Variants in BCOR observed in about 807,000 individuals in gnomAD.
BCOR encodes BCL-6 corepressor.
Under a neutral mutation model 86.7 loss-of-function variants are expected in BCOR, and 10 were observed. The ratio of observed to expected loss-of-function variants is 0.12; its 90% CI spans 0.07 to 0.20. The LOEUF (loss-of-function observed/expected upper bound fraction) is 0.20, where lower values mean the gene tolerates loss of function less well. Among genes scored for constraint, BCOR ranks in the 10% least tolerant of loss-of-function variants. BCOR has a pLI of 1.00. For missense variants in BCOR, 1,259 were observed against 1,452.1 expected (o/e 0.87, Z 2.16); for synonymous variants, 611 against 609.0 (o/e 1.00, Z -0.05).
intron 1 of BCOR, among the ~76,000 whole-genome samples, chrX:40,143,237 T>A (rs1232975314): frequency 8.9e-6 from 1 of 112,131 alleles, no homozygotes; most frequent in Admixed American, 9.4e-5. Context: ...TGTGTGTGTG[T>A]GTCTGTGTGT....
intron 6 of BCOR, 106 bp downstream of exon 6, chrX:40,070,867 G>C (rs1026217256): frequency 3.8e-6 from 3 of 790,777 alleles, no homozygotes; most frequent in African/African-American, 4.1e-5. Context: ...CCATTCATAA[G>C]GACAATCGGC....
In BCOR at chrX:40,139,383, TA is replaced by T. The variant is rs1161404067; in HGVS notation, c.-41+37623del. ...AAAATTTAAAATATATATATATATATAATATATATACATATATATATATATA... is the reference window on the plus strand; with the variant it reads ...AAAATTTAAAATATATATATATATATATATATATACATATATATATATATA... On this transcript the variant is annotated intron_variant, in intron 1 of 14. Coordinates refer to the BCOR transcript ENST00000342274. Among the ~76,000 whole-genome samples the T allele has an allele frequency of 1.2e-3, 29 of 24,142 alleles. 1 individual carries two copies. The highest frequency in any genetic ancestry group is 3.3e-3 in the Admixed American group (4 of 1,195). The allele number at this position is 24,142 out of a possible 115,157, so 21.0% of individuals were successfully genotyped here. A position where few individuals can be genotyped will look rare whatever the true frequency, so the allele number is the denominator to read the frequency against.
At chrX:40,171,787 G>C (rs1047964172) in intron 1 of BCOR, among the ~76,000 whole-genome samples, 4 of 113,372 alleles carry the variant, frequency 3.5e-5, no homozygotes, top group African/African-American at 1.3e-4. Context: ...GAGGGAGCCG[G>C]AAAGAAACAC....
At position 40,072,333 on chromosome X, in the gene BCOR, A is replaced by C; in HGVS notation, c.2997+16T>G. 8.3e-7 allele frequency: 1 copy of C among 1,202,732 alleles called. No homozygotes were observed. Among genetic ancestry groups the C allele is most frequent in the East Asian group, 3.0e-5 (1 of 33,618 alleles). ...ACAACTGGTAAAGTAACTGAAATTC[A>C]GGTGGGGGGGCTCACCTGCAATGCC... On this transcript the variant is annotated intron_variant, in intron 4 of 14. Coordinates refer to ENST00000378444, the MANE Select transcript of BCOR (RefSeq NM_001123385.2).
intron 1 of BCOR, among the ~76,000 whole-genome samples, chrX:40,118,681 T>C (rs1181537301): frequency 8.9e-6 from 1 of 112,098 alleles, no homozygotes; most frequent in African/African-American, 3.2e-5. Flanking sequence ...ATGCTTAGCA[T>C]GTCATTTGCT....
chrX:40,104,904 C>T (rs1243437114), intron 1 of BCOR, among the ~76,000 whole-genome samples: 1 of 111,631 alleles, frequency 9.0e-6, no homozygotes, highest in Non-Finnish European at 1.9e-5. Context: ...CCGCCTGGCG[C>T]GGCCCCAAGG....
chrX:40,069,166 A>G (rs993656786), intron 6 of BCOR, among the ~76,000 whole-genome samples: 7 of 112,677 alleles, frequency 6.2e-5, no homozygotes, highest in African/African-American at 2.3e-4. Flanking sequence ...AGCAAGGACA[A>G]CATTTCCTCT....
chrX:40,144,164 G>T (rs1937988719), intron 1 of BCOR, among the ~76,000 whole-genome samples: 1 of 111,751 alleles, frequency 8.9e-6, no homozygotes, highest in Admixed American at 9.5e-5. Flanking sequence ...CAGGCTAATG[G>T]AAATTACTAT....
Position 40,074,806 on chromosome X carries a change from G to A in BCOR, c.540C>T (p.Asn180=). ...RPASDKQSPL[N]INGASYLRLP... is the part of the protein sequence containing the mutation. ...GCCGCAGATAACTAGCACCATTGAT[G>A]TTGAGAGGGCTCTGTTTGTCGCTGG... The change falls in exon 4 of 15, where the codon AAC becomes AAT. Residue 180 remains asparagine (N), a synonymous_variant. Transcript: ENST00000378444. 1 of 1,212,068 alleles carries A rather than the reference G, an allele frequency of 8.3e-7. No homozygotes were observed. Among genetic ancestry groups the A allele is most frequent in the Non-Finnish European group, 1.1e-6 (1 of 895,592 alleles).
chrX:40,058,733 AG>A (rs1934722349), intron 10 of BCOR, among the ~76,000 whole-genome samples: 1 of 111,491 alleles, frequency 9.0e-6, no homozygotes, highest in South Asian at 3.8e-4. Flanking sequence ...GGAAGAGAGA[AG>A]GCATGCCCAC....
chrX:40,076,602 G>C, intron 2 of BCOR, 70 bp from the exon 3 acceptor site: 1 of 858,707 alleles, frequency 1.2e-6, no homozygotes, highest in Non-Finnish European at 1.7e-6. Context: ...GATCTCCCCA[G>C]AACAGACCAG....
At chrX:40,121,264 T>G (rs767143210) in intron 1 of BCOR, among the ~76,000 whole-genome samples, 5 of 111,534 alleles carry the variant, frequency 4.5e-5, no homozygotes, top group Non-Finnish European at 7.5e-5. Flanking sequence ...ATCCAGCCGT[T>G]GCCACCGGGA....
At position 40,074,546 on chromosome X, in the gene BCOR, A is replaced by C; in HGVS notation, c.800T>G (p.Leu267Arg). ...IPSSLASPMR[L>R]STPSASPAIP... ...GGCTGGGGAGGCCGAAGGTGTCGAG[A>C]GCCTCATGGGTGATGCCAAGGACGA... The change falls in exon 4 of 15, where the codon CTC (leucine) becomes CGC (arginine). Residue 267 changes from leucine (L) to arginine (R), a missense_variant. Physicochemically the swap from Leu to Arg is moderately radical, Grantham distance 102. Transcript: ENST00000378444. 2 of 1,210,630 alleles carry C rather than the reference A, an allele frequency of 1.7e-6. No homozygotes were observed. Among genetic ancestry groups the C allele is most frequent in the South Asian group, 3.5e-5 (2 of 56,791 alleles).
intron 1 of BCOR, among the ~76,000 whole-genome samples, chrX:40,166,123 G>A (rs1303655906): frequency 1.8e-5 from 2 of 112,080 alleles, no homozygotes; most frequent in East Asian, 2.8e-4. Flanking sequence ...TCTTAAGCCC[G>A]TATGCATCTT....
Position 40,052,282 on chromosome X carries a change from G to A in BCOR, c.5095C>T (p.Arg1699Trp), listed in dbSNP as rs140145812. The A allele has an allele frequency of 3.1e-5, 37 of 1,210,606 alleles. No homozygotes were observed. Among genetic ancestry groups the A allele is most frequent in the African/African-American group, 1.2e-4 (7 of 57,375 alleles). Reference sequence around the variant, plus strand: ...AACAAGAGACTTGCAGAAACCTGCCGATAAAATTCTGCCTCTGCAATGGTG... The same window carrying A: ...AACAAGAGACTTGCAGAAACCTGCCAATAAAATTCTGCCTCTGCAATGGTG... Reference protein sequence around the residue: ...IVTIAEAEFYRQVSASLLFSC... With the variant: ...IVTIAEAEFYWQVSASLLFSC... Residue 1699 changes from arginine to tryptophan, a missense_variant, in exon 15 of 15, where the codon CGG becomes TGG. Around this residue, in one of 7 missense-constraint regions of BCOR, gnomAD observed 137 missense variants for 149.8 expected, o/e 0.91. Coordinates refer to ENST00000378444, the MANE Select transcript of BCOR (RefSeq NM_001123385.2).
chrX:40,099,839 T>C (rs1937037047), upstream of BCOR, among the ~76,000 whole-genome samples: 1 of 112,107 alleles, frequency 8.9e-6, no homozygotes, highest in Non-Finnish European at 1.9e-5. Context: ...GAGCTGCTTA[T>C]AACAACTGAT....
In BCOR at chrX:40,062,308, TCGA is replaced by T; in HGVS notation, c.4256_4258del (p.Phe1419_Asp1420delinsTyr). ...GGCTGGTAGCAGTTGCTGCAAGCGG[TCGA>T]AGGGCTTTGGCTCCTGCTTGGCTGG... On this transcript the variant is annotated inframe_deletion, in exon 10 of 15. Transcript: ENST00000378444. 1 of 1,209,191 alleles carries T rather than the reference TCGA, an allele frequency of 8.3e-7. No homozygotes were observed. Among genetic ancestry groups the T allele is most frequent in the Non-Finnish European group, 1.1e-6 (1 of 894,492 alleles).
chrX:40,091,782 G>A (rs747670641), intron 1 of BCOR, among the ~76,000 whole-genome samples: 1 of 112,914 alleles, frequency 8.9e-6, no homozygotes, highest in East Asian at 2.8e-4. Flanking sequence ...TACCACCTAG[G>A]CCTCAGCAGC....
chrX:40,173,031 C>T (rs921812189), intron 1 of BCOR, among the ~76,000 whole-genome samples: 2 of 112,690 alleles, frequency 1.8e-5, no homozygotes, highest in African/African-American at 6.4e-5. Context: ...TACGACTCTC[C>T]AGAACTTTCT....
Sources: gnomAD v4.1 joint callset for allele counts (sites outside exome capture counted in the v4.1 genomes callset) on GRCh38, gnomAD v4.1.1 for gene constraint, gnomAD v4.1.1 regional missense constraint, MANE v1.5 for transcripts, NCBI Gene and HGNC (gene_info 2026-07-23, HGNC 2026-07-21) for gene names.